The following PSMC5 variants were observed in gnomAD, a reference collection of about 807,000 sequenced individuals.
The protein encoded by PSMC5 is proteasome 26S subunit, ATPase 5.
In PSMC5, 11 loss-of-function variants were observed where a neutral mutation model predicts 49.1. The observed-to-expected ratio is 0.22, with a 90% CI of 0.14 to 0.37. The LOEUF (loss-of-function observed/expected upper bound fraction) is 0.37, where lower values mean the gene tolerates loss of function less well. Ranked by LOEUF, PSMC5 falls within the 10% of genes least tolerant of loss-of-function variation. The pLI is 1.00. For synonymous variants in PSMC5, 206 were observed against 192.2 expected (o/e 1.07, Z -0.59); for missense variants, 229 against 520.9 (o/e 0.44, Z 5.45).
chr17:63,831,229 A>G lies in PSMC5; in HGVS notation c.870+3A>G. On this transcript the variant is annotated splice_donor_region_variant and intron_variant, in intron 8 of 11. Transcript: ENST00000310144. The surrounding 1 kb of genome is among the most constrained non-coding windows in gnomAD (Gnocchi z 6.3). Reference sequence around the variant, plus strand: ...TTGAGGCCACCAAGAACATCAAGGTAAGGTGGTAGCATCCTTGGGATGGGC... The same window carrying G: ...TTGAGGCCACCAAGAACATCAAGGTGAGGTGGTAGCATCCTTGGGATGGGC... The G allele has an allele frequency of 6.3e-7, 1 of 1,588,346 alleles. No homozygotes were observed. The highest frequency in any genetic ancestry group is 8.6e-7 in the Non-Finnish European group (1 of 1,164,940).
chr17:63,829,848 C>T lies in PSMC5; in HGVS notation c.167-4C>T, dbSNP rs367693390. On this transcript the variant is annotated splice_polypyrimidine_tract_variant and splice_region_variant and intron_variant, in intron 3 of 11. Coordinates refer to ENST00000310144, the MANE Select transcript of PSMC5 (RefSeq NM_002805.6). Reference sequence around the variant, plus strand: ...GGTGACCACTGTGTCTGTTTGCCATCTAGTTCGCCTATTGCGGGAGGAGCT... The same window carrying T: ...GGTGACCACTGTGTCTGTTTGCCATTTAGTTCGCCTATTGCGGGAGGAGCT... 5.1e-5 allele frequency: 83 copies of T among 1,613,998 alleles called. No homozygotes were observed. Among genetic ancestry groups the T allele is most frequent in the Non-Finnish European group, 6.8e-5 (80 of 1,180,014 alleles).
At position 63,830,707 on chromosome 17, in the gene PSMC5, T is replaced by C; in HGVS notation, c.553-102T>C. 1 of 1,366,146 alleles carries C rather than the reference T, an allele frequency of 7.3e-7. No homozygotes were observed. Among genetic ancestry groups the C allele is most frequent in the Non-Finnish European group, 9.8e-7 (1 of 1,016,322 alleles). The allele number at this position is 1,366,146 out of a possible 1,614,324, so 84.6% of individuals were successfully genotyped here. ...GACCTTGATGTTCCTTTTTTTTTTT[T>C]GTATCCCTAACATCTAGCAAGGGAC... On this transcript the variant is annotated intron_variant, in intron 6 of 11. Transcript: ENST00000310144. The surrounding 1 kb of genome is among the most constrained non-coding windows in gnomAD (Gnocchi z 4.0).
chr17:63,829,646 A>G lies in PSMC5; in HGVS notation c.166+83A>G. On this transcript the variant is annotated intron_variant, in intron 3 of 11. Transcript: ENST00000310144. ...TCTCCCTGCACTGTGTCTTCACAGC[A>G]GTGCTTACTGTTTTCTCCCTGTCAT... 2.1e-6 allele frequency: 3 copies of G among 1,400,258 alleles called. No homozygotes were observed. The Admixed American group carries it at 6.0e-5, about 28-fold the overall frequency. 86.7% of individuals were successfully genotyped at this position (1,400,258 alleles called of 1,614,324 possible).
chr17:63,827,484 A>G lies in PSMC5; in HGVS notation c.-7A>G. The G allele has an allele frequency of 1.3e-6, 2 of 1,551,678 alleles. No individual in the cohort carries two copies. Among genetic ancestry groups the G allele is most frequent in the South Asian group, 1.2e-5 (1 of 84,064 alleles). ...CGGATGCCGGCGGTCTCTGCTGAAG[A>G]GAGAAGATGGCGCTTGACGGACCAG... On this transcript the variant is annotated 5_prime_UTR_variant, in exon 1 of 12. Coordinates refer to ENST00000310144, the MANE Select transcript of PSMC5 (RefSeq NM_002805.6).
chr17:63,829,219 G>T, intron 2 of PSMC5: 1 of 354,312 alleles, frequency 2.8e-6, no homozygotes, highest in Non-Finnish European at 5.1e-6. Flanking sequence ...GAAATTTGGT[G>T]TTACATGAGC....
chr17:63,828,681 G>A (rs73333756), intron 2 of PSMC5: 2,511 of 157,968 alleles, frequency 0.016, 61 homozygotes, highest in African/African-American at 0.053. Context: ...AGCCTAAAGC[G>A]CTAAACCATA....
In PSMC5 at chr17:63,831,433, A is replaced by G. The variant is rs1301237327; in HGVS notation, c.969+8A>G. ...CCACCCCCCAATGAGGAGGTTTGTG[A>G]TGGACACTGTGCAAAGTGGCTCTGG... On this transcript the variant is annotated splice_region_variant and intron_variant, in intron 9 of 11. Coordinates refer to ENST00000310144, the MANE Select transcript of PSMC5 (RefSeq NM_002805.6). This position sits in a 1 kb window ranked among gnomAD's most constrained non-coding sequence, Gnocchi z 6.3. The G allele has an allele frequency of 1.2e-6, 2 of 1,613,594 alleles. No individual in the cohort carries two copies. The highest frequency in any genetic ancestry group is 2.7e-5 in the African/African-American group (2 of 74,904).
rs759210587 is a variant in PSMC5, at chr17:63,830,961, G to A, written c.679+26G>A. The A allele has an allele frequency of 1.9e-5, 31 of 1,613,810 alleles. No individual in the cohort carries two copies. Among genetic ancestry groups the A allele is most frequent in the Non-Finnish European group, 1.7e-5 (20 of 1,179,900 alleles). The stretch of plus-strand genomic sequence containing the variant: ...GTAACCATGGCTAGCAATGTGAGAA[G>A]CAAGAGGTAGGGGTAGGGGGTTAGA... On this transcript the variant is annotated intron_variant, in intron 7 of 11. Coordinates refer to ENST00000310144, the MANE Select transcript of PSMC5 (RefSeq NM_002805.6). This position sits in a 1 kb window ranked among gnomAD's most constrained non-coding sequence, Gnocchi z 4.0.
At position 63,829,489 on chromosome 17, in the gene PSMC5, C is replaced by T. The variant is rs778849267; in HGVS notation, c.97-5C>T. 2.3e-5 allele frequency: 36 copies of T among 1,553,196 alleles called. No individual in the cohort carries two copies. The highest frequency in any genetic ancestry group is 1.7e-4 in the Middle Eastern group (1 of 6,014). On this transcript the variant is annotated splice_polypyrimidine_tract_variant and splice_region_variant and intron_variant, in intron 2 of 11. Transcript: ENST00000310144. ...ATAATGGAATTTGTCTCTTGTCTGC[C>T]ACAGCTGATTGTGAATGATAAGAGC... is the stretch of plus-strand genomic sequence containing the variant.
In PSMC5 at chr17:63,831,688, A is replaced by T; in HGVS notation, c.1081-36A>T. ...GGCTCAAGGGCCACAGATGAGGGGC[A>T]CAGCAGTGGGGCCTCAATTTCCTTT... On this transcript the variant is annotated intron_variant, in intron 10 of 11. Coordinates refer to ENST00000310144, the MANE Select transcript of PSMC5 (RefSeq NM_002805.6). This position sits in a 1 kb window ranked among gnomAD's most constrained non-coding sequence, Gnocchi z 6.3. 6.2e-7 allele frequency: 1 copy of T among 1,613,414 alleles called. No individual in the cohort carries two copies.
At chr17:63,829,631 CTG>C (rs1242729587) in intron 3 of PSMC5, 68 bp downstream of exon 3, 11 of 1,463,038 alleles carry the variant, frequency 7.5e-6, no homozygotes, top group Non-Finnish European at 9.4e-6. Flanking sequence ...TCTCCCTGCA[CTG>C]TGTCTTCACA....
At position 63,831,031 on chromosome 17, in the gene PSMC5, C is replaced by T; in HGVS notation, c.680-5C>T. ...CTCCCTAACACCAGCTCGGCCTCCA[C>T]ACAGGGGCAAGAATGGTGAGGGAGC... On this transcript the variant is annotated splice_polypyrimidine_tract_variant and splice_region_variant and intron_variant, in intron 7 of 11. Transcript: ENST00000310144. This position sits in a 1 kb window ranked among gnomAD's most constrained non-coding sequence, Gnocchi z 6.3. 1 of 1,583,706 alleles carries T rather than the reference C, an allele frequency of 6.3e-7. No homozygotes were observed.
In PSMC5 at chr17:63,831,697, G is replaced by A. The variant is rs1277666510; in HGVS notation, c.1081-27G>A. 1 of 1,613,888 alleles carries A rather than the reference G, an allele frequency of 6.2e-7. No individual in the cohort carries two copies. The highest frequency in any genetic ancestry group is 8.5e-7 in the Non-Finnish European group (1 of 1,179,882). The stretch of plus-strand genomic sequence containing the variant: ...GCCACAGATGAGGGGCACAGCAGTG[G>A]GGCCTCAATTTCCTTTTCCTGTTCA... On this transcript the variant is annotated intron_variant, in intron 10 of 11. Transcript: ENST00000310144. The surrounding 1 kb of genome is among the most constrained non-coding windows in gnomAD (Gnocchi z 6.3).
At position 63,831,907 on chromosome 17, in the gene PSMC5, C is replaced by T. The variant is rs750858157; in HGVS notation, c.1168-9C>T. 1.9e-6 allele frequency: 3 copies of T among 1,613,888 alleles called. No homozygotes were observed. Among genetic ancestry groups the T allele is most frequent in the East Asian group, 2.2e-5 (1 of 44,886 alleles). On this transcript the variant is annotated splice_polypyrimidine_tract_variant and intron_variant, in intron 11 of 11. Transcript: ENST00000310144. This position sits in a 1 kb window ranked among gnomAD's most constrained non-coding sequence, Gnocchi z 6.3. ...GTAACTTAATGTTCATTCTCTCTCC[C>T]ACCCCTAGGTCATGCAGAAGGACAG...
chr17:63,830,335 A>G lies in PSMC5; in HGVS notation c.386A>G (p.Asn129Ser). 6.2e-7 allele frequency: 1 copy of G among 1,614,220 alleles called. No homozygotes were observed. The highest frequency in any genetic ancestry group is 8.5e-7 in the Non-Finnish European group (1 of 1,180,046). ...DSYTLHKILP[N>S]KVDPLVSLMM... is the part of the protein sequence containing the mutation. ...TACACTCTGCACAAGATCCTGCCCAACAAGGTAGACCCATTAGTGTCACTG... is the reference window on the plus strand; with the variant it reads ...TACACTCTGCACAAGATCCTGCCCAGCAAGGTAGACCCATTAGTGTCACTG... The change falls in exon 6 of 12, where the codon AAC (asparagine) becomes AGC (serine). Residue 129 changes from asparagine (N) to serine (S), a missense_variant. By Grantham distance (46) the Asn-to-Ser change is conservative. Transcript: ENST00000310144. This position sits in a 1 kb window ranked among gnomAD's most constrained non-coding sequence, Gnocchi z 4.0.
intron 2 of PSMC5, chr17:63,828,549 AT>A (rs2040140962): frequency 4.4e-6 from 1 of 225,412 alleles, no homozygotes; most frequent in African/African-American, 2.3e-5. Flanking sequence ...AGGAGTTGAA[AT>A]TTATCACCAA....
intron 1 of PSMC5, chr17:63,827,840 C>T (rs2040129456): frequency 7.0e-7 from 1 of 1,429,198 alleles, no homozygotes; most frequent in Non-Finnish European, 9.1e-7. Context: ...ACTGACACCT[C>T]GGGCTTGTAG....
At chr17:63,828,269 C>A in intron 2 of PSMC5, 60 bp downstream of exon 2, 1 of 1,528,870 alleles carries the variant, frequency 6.5e-7, no homozygotes, top group Non-Finnish European at 9.0e-7. Flanking sequence ...AAACGGACTT[C>A]CACAAATCCA....
chr17:63,829,624 C>G, intron 3 of PSMC5, 61 bp downstream of exon 3: 1 of 1,480,722 alleles, frequency 6.8e-7, no homozygotes, highest in Non-Finnish European at 9.2e-7. Context: ...GTCCTTATCT[C>G]CCTGCACTGT....
Sources: gnomAD v4.1 joint callset for allele counts on GRCh38, gnomAD v4.1.1 for gene constraint, Gnocchi (gnomAD v3.1) non-coding constraint, MANE v1.5 for transcripts, NCBI Gene and HGNC (gene_info 2026-07-23, HGNC 2026-07-21) for gene names.